Variants in CORIN observed in about 807,000 individuals in gnomAD.
CORIN encodes corin, serine peptidase, also known as atrial natriuretic peptide-converting enzyme.
In CORIN, 117 loss-of-function variants were observed where a neutral mutation model predicts 125.3. That is an observed-to-expected ratio of 0.93 (90% confidence interval 0.80 to 1.09). The LOEUF (loss-of-function observed/expected upper bound fraction) is 1.09. Ranked by LOEUF, CORIN falls within the 50% of genes least tolerant of loss-of-function variation. The probability of loss-of-function intolerance (pLI) is 0.00; values close to 1 mark genes in which losing one functional copy is unlikely to be tolerated. For synonymous variants in CORIN, 450 were observed against 466.4 expected (o/e 0.96, Z 0.45); for missense variants, 1,253 against 1,306.7 (o/e 0.96, Z 0.63).
chr4:47,634,694 C>T (rs549340812), intron 16 of CORIN, among the ~76,000 whole-genome samples: 2 of 152,074 alleles, frequency 1.3e-5, no homozygotes, highest in Non-Finnish European at 2.9e-5. Flanking sequence ...GTTGAAGAAA[C>T]AAGTATCCCA....
intron 4 of CORIN, among the ~76,000 whole-genome samples, chr4:47,762,162 G>T (rs1274002482): frequency 1.3e-5 from 2 of 152,036 alleles, no homozygotes; most frequent in African/African-American, 4.8e-5. Flanking sequence ...ATGCTAAAAT[G>T]ATGGATGTAA....
At chr4:47,638,786 T>G (rs1222100780) in intron 16 of CORIN, among the ~76,000 whole-genome samples, 1 of 152,216 alleles carries the variant, frequency 6.6e-6, no homozygotes, top group Non-Finnish European at 1.5e-5. Context: ...GGGGCTTGAT[T>G]TATGCATTCT....
chr4:47,682,440 T>C (rs1459931309), intron 7 of CORIN: 3 of 18,650 alleles, frequency 1.6e-4, no homozygotes, highest in Non-Finnish European at 4.2e-4. Flanking sequence ...AGACTCCATC[T>C]CAAAAAAAAA....
chr4:47,834,691 G>A (rs1426789575), intron 1 of CORIN, among the ~76,000 whole-genome samples: 1 of 152,086 alleles, frequency 6.6e-6, no homozygotes, highest in East Asian at 1.9e-4. Context: ...CATTAATTGT[G>A]GTGACGGTTT....
At chr4:47,702,204 A>G (rs1363840349) in intron 5 of CORIN, among the ~76,000 whole-genome samples, 2 of 152,298 alleles carry the variant, frequency 1.3e-5, no homozygotes, top group East Asian at 1.9e-4. Context: ...TTTTGCATTT[A>G]TTCACTATGA....
chr4:47,779,527 C>T (rs373587436), intron 3 of CORIN, among the ~76,000 whole-genome samples: 106 of 151,856 alleles, frequency 7.0e-4, no homozygotes, highest in Non-Finnish European at 1.2e-3. Context: ...ACCTCCGCCC[C>T]CAGGTTCAAG....
chr4:47,655,256 T>C (rs1256608049), intron 12 of CORIN, among the ~76,000 whole-genome samples: 2 of 151,488 alleles, frequency 1.3e-5, no homozygotes, highest in Non-Finnish European at 2.9e-5. Context: ...CCAGCTGTGA[T>C]GGCTACAGGG....
At chr4:47,712,213 A>C (rs1726875815) in intron 5 of CORIN, among the ~76,000 whole-genome samples, 1 of 152,224 alleles carries the variant, frequency 6.6e-6, no homozygotes, top group Non-Finnish European at 1.5e-5. Flanking sequence ...CATAATTAAC[A>C]TAATATAGTC....
chr4:47,764,914 G>C (rs534755170), intron 3 of CORIN, among the ~76,000 whole-genome samples: 4 of 152,112 alleles, frequency 2.6e-5, no homozygotes, highest in African/African-American at 9.6e-5. Flanking sequence ...GCTTTTGATG[G>C]AAGCCCATAT....
At chr4:47,597,067 T>C in intron 21 of CORIN, among the ~76,000 whole-genome samples, 1 of 152,054 alleles carries the variant, frequency 6.6e-6, no homozygotes. Context: ...GAAAGAGAAA[T>C]TAGGCCCGGC....
chr4:47,732,773 G>A (rs1191769892), intron 5 of CORIN, among the ~76,000 whole-genome samples: 3 of 152,060 alleles, frequency 2.0e-5, no homozygotes, highest in Non-Finnish European at 4.4e-5. Context: ...TGTTGGCCAG[G>A]CTGGTCTCTG....
intron 2 of CORIN, among the ~76,000 whole-genome samples, chr4:47,799,121 G>C (rs1022219082): frequency 8.6e-5 from 13 of 151,582 alleles, no homozygotes; most frequent in Admixed American, 7.9e-4. Flanking sequence ...GTGTGTGTGT[G>C]TGTGTGTGTG....
chr4:47,806,151 A>AT (rs563266960), intron 2 of CORIN, among the ~76,000 whole-genome samples: 38 of 147,786 alleles, frequency 2.6e-4, no homozygotes, highest in East Asian at 3.9e-4. Context: ...TGTTTTTAAG[A>AT]TTTTTTTTTT....
chr4:47,803,653 A>G (rs1453032837), intron 2 of CORIN, among the ~76,000 whole-genome samples: 1 of 152,260 alleles, frequency 6.6e-6, no homozygotes, highest in Non-Finnish European at 1.5e-5. Flanking sequence ...GGATATCCAC[A>G]TGCAGAAGAA....
intron 5 of CORIN, among the ~76,000 whole-genome samples, chr4:47,727,273 CAT>C (rs1340321078): frequency 6.6e-6 from 1 of 152,010 alleles, no homozygotes; most frequent in Non-Finnish European, 1.5e-5. Context: ...TGTGTTTAAT[CAT>C]ATGAGTAAGT....
At chr4:47,802,426 C>A (rs1731584822) in intron 2 of CORIN, among the ~76,000 whole-genome samples, 1 of 152,108 alleles carries the variant, frequency 6.6e-6, no homozygotes, top group African/African-American at 2.4e-5. Context: ...CATCATTAAC[C>A]AACTGAAGGG....
intron 10 of CORIN, among the ~76,000 whole-genome samples, chr4:47,672,944 A>G (rs1724828788): frequency 6.6e-6 from 1 of 151,996 alleles, no homozygotes; most frequent in African/African-American, 2.4e-5. Flanking sequence ...TTATAGAGGT[A>G]CTCACTATAA....
At chr4:47,630,031 C>T (rs1193747267) in intron 16 of CORIN, among the ~76,000 whole-genome samples, 1 of 152,126 alleles carries the variant, frequency 6.6e-6, no homozygotes. Flanking sequence ...ACACCATGTT[C>T]TTTTGATAGC....
At chr4:47,761,115 A>G (rs931085295) in intron 4 of CORIN, among the ~76,000 whole-genome samples, 3 of 152,230 alleles carry the variant, frequency 2.0e-5, no homozygotes, top group African/African-American at 7.2e-5. Flanking sequence ...TTTGCCTTCT[A>G]ATCATTTGTG....
Sources: allele counts gnomAD v4.1 joint callset (sites outside exome capture counted in the v4.1 genomes callset), GRCh38; gene constraint gnomAD v4.1.1; transcripts MANE v1.5; gene names NCBI Gene and HGNC (gene_info 2026-07-23, HGNC 2026-07-21).